The following AP3D1 variants were observed in gnomAD, a reference collection of about 807,000 sequenced individuals.
AP3D1 encodes the protein AP-3 complex subunit delta-1.
A neutral mutation model predicts 147.6 loss-of-function variants in AP3D1; 51 were observed. The observed-to-expected ratio is 0.35, with a 90% CI of 0.28 to 0.44. The LOEUF (loss-of-function observed/expected upper bound fraction) is 0.44, where lower values mean the gene tolerates loss of function less well. AP3D1 is among the 20% of genes least tolerant of loss of function. AP3D1 has a pLI of 1.00. For missense variants in AP3D1, 1,421 were observed against 1,624.2 expected (o/e 0.87, Z 2.15); for synonymous variants, 760 against 663.0 (o/e 1.15, Z -2.25).
At chr19:2,144,674 G>A (rs1301405088) in intron 1 of AP3D1, among the ~76,000 whole-genome samples, 4 of 152,146 alleles carry the variant, frequency 2.6e-5, no homozygotes, top group Non-Finnish European at 4.4e-5. Flanking sequence ...TTGGGAGGCC[G>A]AGCAGATCAC....
At chr19:2,147,169 A>AC (rs1279229718) in intron 1 of AP3D1, among the ~76,000 whole-genome samples, 1 of 151,968 alleles carries the variant, frequency 6.6e-6, no homozygotes, top group African/African-American at 2.4e-5. Context: ...ACATGGAGAA[A>AC]CCCCGTCTCT....
In AP3D1 at chr19:2,101,174, T is replaced by C. The variant is rs2017941127; in HGVS notation, c.*999A>G. The stretch of plus-strand genomic sequence containing the variant: ...AATGGATTACATGCTAAAGTGACAG[T>C]TTTCATCAAAAGGAGAAGATAAAAT... On this transcript the variant is annotated 3_prime_UTR_variant, in exon 32 of 32. Coordinates refer to ENST00000643116, the MANE Select transcript of AP3D1 (RefSeq NM_001261826.3). 6.6e-6 allele frequency: 1 copy of C among 152,530 alleles called. No individual in the cohort carries two copies. The allele number at this position is 152,530 out of a possible 1,614,324, so 9.4% of individuals were successfully genotyped here. A position where few individuals can be genotyped will look rare whatever the true frequency, so the allele number is the denominator to read the frequency against.
chr19:2,152,334 G>C (rs188572365), upstream of AP3D1, among the ~76,000 whole-genome samples: 97 of 152,114 alleles, frequency 6.4e-4, no homozygotes, highest in African/African-American at 2.3e-3. Flanking sequence ...CTTGAGGTCA[G>C]GAGTTCGAAA....
intron 1 of AP3D1, among the ~76,000 whole-genome samples, chr19:2,141,804 AC>A (rs1341850762): frequency 6.6e-6 from 1 of 151,524 alleles, no homozygotes; most frequent in African/African-American, 2.4e-5. Flanking sequence ...CAGTGGCCTA[AC>A]CATGGCTAAC....
chr19:2,105,193 G>A (rs1278622854), intron 31 of AP3D1, among the ~76,000 whole-genome samples: 2 of 152,232 alleles, frequency 1.3e-5, no homozygotes, highest in Admixed American at 6.5e-5. Flanking sequence ...CGGCCTCTGG[G>A]GCGTGAGGGG....
intron 5 of AP3D1, among the ~76,000 whole-genome samples, chr19:2,131,534 G>A (rs34339371): frequency 0.28 from 13,798 of 49,410 alleles, 3,523 homozygotes; most frequent in East Asian, 0.43. Flanking sequence ...CACGATCTAG[G>A]CACCCGGTGG....
intron 31 of AP3D1, 88 bp from the exon 32 acceptor site, chr19:2,102,356 G>T: frequency 8.7e-7 from 1 of 1,146,426 alleles, no homozygotes; most frequent in Non-Finnish European, 1.3e-6. Flanking sequence ...CATTTTGGGA[G>T]GCCAAGGTGG....
At chr19:2,105,375 T>G (rs2144991208) in intron 31 of AP3D1, among the ~76,000 whole-genome samples, 1 of 152,350 alleles carries the variant, frequency 6.6e-6, no homozygotes, top group East Asian at 1.9e-4. Context: ...AAGGAACACC[T>G]GGCTGGCCCA....
At chr19:2,118,257 C>T (rs115576440) in intron 15 of AP3D1, among the ~76,000 whole-genome samples, 1 of 152,190 alleles carries the variant, frequency 6.6e-6, no homozygotes, top group Non-Finnish European at 1.5e-5. Context: ...CAACCTAGAA[C>T]CCACGTCACC....
rs2240651 is a variant in AP3D1, at chr19:2,113,274, G to A, written c.2679+62C>T. ...CTCAGGAGACCCAGGGCTCTTCCCT[G>A]AGTGCCAGGTATGACCTCTGCAGAC... On this transcript the variant is annotated intron_variant, in intron 23 of 31. Coordinates refer to ENST00000643116, the MANE Select transcript of AP3D1 (RefSeq NM_001261826.3). The A allele has an allele frequency of 0.04, 37,086 of 921,724 alleles. 2,017 individuals are homozygous for A. Among genetic ancestry groups the A allele is most frequent in the East Asian group, 0.18 (6,340 of 35,424 alleles). 57.1% of individuals were successfully genotyped at this position (921,724 alleles called of 1,614,324 possible). A position where few individuals can be genotyped will look rare whatever the true frequency, so the allele number is the denominator to read the frequency against.
At chr19:2,147,995 G>C (rs1294013200) in intron 1 of AP3D1, among the ~76,000 whole-genome samples, 3 of 151,614 alleles carry the variant, frequency 2.0e-5, no homozygotes, top group Non-Finnish European at 4.4e-5. Flanking sequence ...CACGGTGAAA[G>C]CCCATCTCTA....
At chr19:2,121,675 C>G (rs544093810) in intron 12 of AP3D1, 59 bp downstream of exon 12, 2 of 1,522,542 alleles carry the variant, frequency 1.3e-6, no homozygotes, top group African/African-American at 2.8e-5. Context: ...GCACCTGACA[C>G]TTAATGTCCC....
chr19:2,134,021 T>C (rs1022446548), intron 4 of AP3D1, among the ~76,000 whole-genome samples: 4 of 151,838 alleles, frequency 2.6e-5, no homozygotes, highest in African/African-American at 9.7e-5. Context: ...GGCAGGAGAA[T>C]TGCTTGAACC....
intron 1 of AP3D1, among the ~76,000 whole-genome samples, chr19:2,148,718 A>G (rs577031092): frequency 4.5e-4 from 68 of 152,346 alleles, no homozygotes; most frequent in Admixed American, 1.4e-3. Flanking sequence ...AGTCAGCCCA[A>G]GCACCTGGAC....
rs772258372 is a variant in AP3D1, at chr19:2,120,855, C to G, written c.1481+7G>C. ...GCTGCCAGCCCAGAGGCCCAGCGCC[C>G]ACTCACTCTGAGAACTCCCCGCAGA... On this transcript the variant is annotated splice_region_variant and intron_variant, in intron 14 of 31. Transcript: ENST00000643116. The G allele has an allele frequency of 6.2e-7, 1 of 1,604,432 alleles. No individual in the cohort carries two copies. Among genetic ancestry groups the G allele is most frequent in the East Asian group, 2.2e-5 (1 of 44,778 alleles).
chr19:2,164,035 CG>C, intron 1 of AP3D1: 1 of 337,742 alleles, frequency 3.0e-6, no homozygotes, highest in Non-Finnish European at 4.4e-6. Flanking sequence ...CGGAGCGCGG[CG>C]GCGGCGGCGG....
chr19:2,154,504 C>G (rs1039999098), upstream of AP3D1, among the ~76,000 whole-genome samples: 2 of 152,126 alleles, frequency 1.3e-5, no homozygotes, highest in African/African-American at 4.8e-5. Context: ...GTCTCGATCT[C>G]TTGACCTCGT....
chr19:2,111,737 C>A lies in AP3D1; in HGVS notation c.2879G>T (p.Ser960Ile). 1.2e-6 allele frequency: 2 copies of A among 1,608,132 alleles called. No homozygotes were observed. Among genetic ancestry groups the A allele is most frequent in the African/African-American group, 2.7e-5 (2 of 74,960 alleles). The change falls in exon 25 of 32, where the codon AGC (serine) becomes ATC (isoleucine). Residue 960 changes from serine (S) to isoleucine (I), a missense_variant. Ser to Ile is a moderately radical substitution (Grantham distance 142, BLOSUM62 -2). Transcript: ENST00000643116. Reference protein sequence around the residue: ...KKKSKKQPPGSEEAAGEPVQN... With the variant: ...KKKSKKQPPGIEEAAGEPVQN... The stretch of plus-strand genomic sequence containing the variant: ...CACCGGCTCCCCCGCTGCCTCCTCG[C>A]TGCCTGGAGGCTGCTTCTTGGACTT...
intron 1 of AP3D1, among the ~76,000 whole-genome samples, chr19:2,158,414 T>C (rs1270597992): frequency 6.8e-6 from 1 of 147,406 alleles, no homozygotes; most frequent in African/African-American, 2.5e-5. Context: ...TGTAGTGGAG[T>C]GGCACCATCT....
Sources: allele counts gnomAD v4.1 joint callset (sites outside exome capture counted in the v4.1 genomes callset), GRCh38; gene constraint gnomAD v4.1.1; transcripts MANE v1.5; gene names NCBI Gene and HGNC (gene_info 2026-07-23, HGNC 2026-07-21).